The following ARHGAP29 variants were observed in gnomAD, a reference collection of about 807,000 sequenced individuals.
ARHGAP29 encodes the protein Rho GTPase activating protein 29, also known as rho GTPase-activating protein 29.
A neutral mutation model predicts 122.6 loss-of-function variants in ARHGAP29; 43 were observed. The observed-to-expected ratio is 0.35, with a 90% CI of 0.27 to 0.45. ARHGAP29 has a LOEUF of 0.45. Ranked by LOEUF, ARHGAP29 falls within the 20% of genes least tolerant of loss-of-function variation. The pLI is 1.00. For missense variants in ARHGAP29, 1,303 were observed against 1,477.2 expected, an observed-to-expected ratio of 0.88 and a Z score of 1.93; for synonymous variants, 506 against 497.1, an observed-to-expected ratio of 1.02 and a Z score of -0.24.
chr1:94,211,287 CA>C (rs71094285), intron 3 of ARHGAP29, among the ~76,000 whole-genome samples: 28 of 35,996 alleles, frequency 7.8e-4, no homozygotes, highest in South Asian at 5.4e-3. Flanking sequence ...GCTCTGGCTC[CA>C]AAAAAAAAAA....
intron 6 of ARHGAP29, 71 bp from the exon 7 acceptor site, chr1:94,205,269 T>C (rs747006954): frequency 8.8e-6 from 11 of 1,246,774 alleles, no homozygotes; most frequent in Non-Finnish European, 1.2e-5. Context: ...AAAGAAGCAC[T>C]GAGATCCTAA....
the ARHGAP29 span, among the ~76,000 whole-genome samples, chr1:94,311,481 G>T: frequency 6.6e-6 from 1 of 152,104 alleles, no homozygotes; most frequent in Admixed American, 6.5e-5. Context: ...ACAAATGCTT[G>T]TCAGATCAAA....
chr1:94,263,402 A>AG (rs1221933934), intron 1 of ARHGAP29, among the ~76,000 whole-genome samples: 1 of 151,818 alleles, frequency 6.6e-6, no homozygotes, highest in Non-Finnish European at 1.5e-5. Flanking sequence ...AGTTAAAAAA[A>AG]AAAAGGTTTG....
chr1:94,264,856 T>C (rs1482001738), intron 1 of ARHGAP29, among the ~76,000 whole-genome samples: 1 of 152,170 alleles, frequency 6.6e-6, no homozygotes, highest in Non-Finnish European at 1.5e-5. Flanking sequence ...TTCTATGCAT[T>C]TGTTTAATCT....
intron 12 of ARHGAP29, chr1:94,194,955 T>C (rs939543518): frequency 4.0e-5 from 6 of 150,020 alleles, no homozygotes; most frequent in Non-Finnish European, 5.9e-5. Flanking sequence ...AGAGTAAATG[T>C]AGACAAAAGT....
chr1:94,210,904 TAAA>T (rs34160965), intron 3 of ARHGAP29, among the ~76,000 whole-genome samples: 10 of 139,964 alleles, frequency 7.1e-5, no homozygotes, highest in Non-Finnish European at 6.2e-5. Flanking sequence ...GTTTCTTATT[TAAA>T]AAAAAAAAAA....
the ARHGAP29 span, among the ~76,000 whole-genome samples, chr1:94,308,864 T>C: frequency 2.0e-5 from 3 of 152,200 alleles, no homozygotes; most frequent in African/African-American, 7.2e-5. Flanking sequence ...ATGGGAACCT[T>C]TGGGTAAATG....
At chr1:94,275,722 T>C (rs1311013138), upstream of ARHGAP29, among the ~76,000 whole-genome samples, 1 of 152,104 alleles carries the variant, frequency 6.6e-6, no homozygotes, top group East Asian at 1.9e-4. Context: ...GAAAAGGGTT[T>C]TTTTAAAAAA....
At chr1:94,260,669 G>C (rs1211661329) in intron 1 of ARHGAP29, among the ~76,000 whole-genome samples, 3 of 152,144 alleles carry the variant, frequency 2.0e-5, no homozygotes, top group Admixed American at 6.5e-5. Context: ...AGATTGGAAA[G>C]ACACACAGAA....
intron 19 of ARHGAP29, among the ~76,000 whole-genome samples, chr1:94,182,530 A>G (rs920904989): frequency 1.3e-5 from 2 of 152,130 alleles, no homozygotes; most frequent in Non-Finnish European, 2.9e-5. Context: ...AATGGGAAAA[A>G]AAGAAGATTC....
chr1:94,205,612 G>GT, intron 6 of ARHGAP29, 23 bp downstream of exon 6: 1 of 1,604,598 alleles, frequency 6.2e-7, no homozygotes, highest in Non-Finnish European at 8.5e-7. Flanking sequence ...TTTGTGAAAA[G>GT]TTATAAACAC....
chr1:94,224,088 C>T (rs61782652), intron 2 of ARHGAP29, among the ~76,000 whole-genome samples: 3 of 152,056 alleles, frequency 2.0e-5, no homozygotes, highest in African/African-American at 7.2e-5. Context: ...GGATTACAGG[C>T]GTTAGCCACC....
At chr1:94,242,723 A>G (rs1271479629) in intron 1 of ARHGAP29, among the ~76,000 whole-genome samples, 1 of 151,950 alleles carries the variant, frequency 6.6e-6, no homozygotes, top group Non-Finnish European at 1.5e-5. Context: ...ACCAATAATT[A>G]CATTAAATAT....
chr1:94,314,557 C>G, the ARHGAP29 span, among the ~76,000 whole-genome samples: 1 of 152,200 alleles, frequency 6.6e-6, no homozygotes, highest in Non-Finnish European at 1.5e-5. Flanking sequence ...GTCCTCCACC[C>G]ATTCTCTGAC....
At chr1:94,197,164 T>C (rs930095618) in intron 12 of ARHGAP29, among the ~76,000 whole-genome samples, 6 of 151,860 alleles carry the variant, frequency 4.0e-5, no homozygotes, top group Admixed American at 3.3e-4. Flanking sequence ...AAATTACCAG[T>C]ATCGGGAATG....
chr1:94,250,755 A>G (rs1267223130), intron 1 of ARHGAP29, among the ~76,000 whole-genome samples: 2 of 152,378 alleles, frequency 1.3e-5, no homozygotes, highest in African/African-American at 4.8e-5. Flanking sequence ...ATATTTGAGT[A>G]TATAGATGAA....
At chr1:94,216,882 T>C (rs1432818701) in intron 3 of ARHGAP29, among the ~76,000 whole-genome samples, 1 of 152,178 alleles carries the variant, frequency 6.6e-6, no homozygotes, top group East Asian at 1.9e-4. Context: ...TTTGTCAGAC[T>C]GAATTTCCTG....
At chr1:94,226,290 T>C (rs1192058795) in intron 2 of ARHGAP29, among the ~76,000 whole-genome samples, 1 of 152,032 alleles carries the variant, frequency 6.6e-6, no homozygotes, top group Non-Finnish European at 1.5e-5. Flanking sequence ...TTTATTCAGC[T>C]ACCAGGGATT....
At chr1:94,236,683 ATTT>A (rs962674969) in intron 1 of ARHGAP29, among the ~76,000 whole-genome samples, 1 of 150,562 alleles carries the variant, frequency 6.6e-6, no homozygotes, top group Non-Finnish European at 1.5e-5. Context: ...CCCCCAAAAA[ATTT>A]TTTTTTTTAA....
Sources: allele counts gnomAD v4.1 joint callset (sites outside exome capture counted in the v4.1 genomes callset), GRCh38; gene constraint gnomAD v4.1.1; transcripts MANE v1.5; gene names NCBI Gene and HGNC (gene_info 2026-07-23, HGNC 2026-07-21).